The following STXBP4 variants were observed in gnomAD, a reference collection of about 807,000 sequenced individuals.
The protein encoded by STXBP4 is syntaxin binding protein 4, also known as syntaxin-binding protein 4.
STXBP4 carries 55 observed loss-of-function variants against 76.1 expected under a neutral mutation model. The observed-to-expected ratio is 0.72, with a 90% CI of 0.58 to 0.91. STXBP4 has a LOEUF of 0.91. Among genes scored for constraint, STXBP4 ranks in the 40% least tolerant of loss-of-function variants. The pLI is 0.00. For missense variants in STXBP4, 618 were observed against 636.9 expected, an observed-to-expected ratio of 0.97 and a Z score of 0.32; for synonymous variants, 201 against 220.2, an observed-to-expected ratio of 0.91 and a Z score of 0.77.
intron 16 of STXBP4, among the ~76,000 whole-genome samples, chr17:55,109,999 A>C (rs1203082712): frequency 6.6e-6 from 1 of 152,184 alleles, no homozygotes; most frequent in Non-Finnish European, 1.5e-5. Flanking sequence ...AGAAGTTCAA[A>C]ATATGTTTCA....
chr17:54,999,761 T>C lies in STXBP4; in HGVS notation c.417T>C (p.Leu139=). The change falls in exon 6 of 18, where the codon CTT becomes CTC. Residue 139 remains leucine, a synonymous_variant. Transcript: ENST00000376352. ...EYGPQASTLS[L]FSSPPEILIP... is the part of the protein sequence containing the mutation. ...GACCTCAAGCCTCAACATTAAGTCT[T>C]TTTTCTTCTCCTCCTGAAATACTAA... The C allele has an allele frequency of 1.2e-6, 2 of 1,613,644 alleles. No homozygotes were observed. Among genetic ancestry groups the C allele is most frequent in the South Asian group, 2.2e-5 (2 of 91,066 alleles).
chr17:55,062,466 G>T (rs747119588), intron 12 of STXBP4, among the ~76,000 whole-genome samples: 1 of 151,984 alleles, frequency 6.6e-6, no homozygotes, highest in African/African-American at 2.4e-5. Context: ...TATATTTGCC[G>T]CATTTTCTTT....
intron 16 of STXBP4, among the ~76,000 whole-genome samples, chr17:55,117,800 A>G (rs1404950084): frequency 1.3e-5 from 2 of 151,940 alleles, no homozygotes; most frequent in Non-Finnish European, 2.9e-5. Flanking sequence ...AGTCTCCTTT[A>G]GGTTCTGTTC....
At chr17:55,047,021 G>A in intron 11 of STXBP4, 68 bp from the exon 12 acceptor site, 1 of 869,658 alleles carries the variant, frequency 1.1e-6, no homozygotes, top group South Asian at 1.6e-5. Context: ...CTTGAAACAA[G>A]GGACTAAGAA....
At chr17:55,188,009 C>G in the STXBP4 span, among the ~76,000 whole-genome samples, 1 of 152,114 alleles carries the variant, frequency 6.6e-6, no homozygotes, top group African/African-American at 2.4e-5. Flanking sequence ...GCACTGTTAT[C>G]ATATCCATTT....
At chr17:54,972,681 G>A (rs1261934932) in intron 1 of STXBP4, among the ~76,000 whole-genome samples, 2 of 152,032 alleles carry the variant, frequency 1.3e-5, no homozygotes, top group African/African-American at 4.8e-5. Context: ...ACGAATTTTG[G>A]TTTCTTTAGT....
chr17:55,121,224 T>C (rs1291517249), intron 16 of STXBP4, among the ~76,000 whole-genome samples: 1 of 152,168 alleles, frequency 6.6e-6, no homozygotes, highest in Non-Finnish European at 1.5e-5. Context: ...TTATGAATGG[T>C]ACAAAGAGCT....
intron 17 of STXBP4, among the ~76,000 whole-genome samples, chr17:55,149,008 G>C (rs1348619025): frequency 1.3e-5 from 2 of 152,204 alleles, no homozygotes; most frequent in East Asian, 1.9e-4. Context: ...TAGATAAGGA[G>C]AATATGTGTA....
chr17:55,043,185 CATAATT>C, intron 10 of STXBP4, 45 bp from the exon 11 acceptor site: 1 of 908,720 alleles, frequency 1.1e-6, no homozygotes, highest in Non-Finnish European at 1.6e-6. Context: ...TGTTACCTCT[CATAATT>C]AGCATCTAAT....
chr17:55,066,053 A>G (rs1462874111), intron 12 of STXBP4, among the ~76,000 whole-genome samples: 1 of 152,242 alleles, frequency 6.6e-6, no homozygotes, highest in African/African-American at 2.4e-5. Flanking sequence ...CTAGATATCC[A>G]TCATTATTAC....
chr17:55,082,612 CT>C lies in STXBP4; in HGVS notation c.1489+1432del, dbSNP rs371749188. 9.9e-5 allele frequency among the ~76,000 whole-genome samples: 15 copies of C among 152,138 alleles called. No individual in the cohort carries two copies. In the East Asian group the frequency reaches 2.5e-3, roughly 25 times the overall value. ...TAGGATGTTTAGCATTCCTAGTACC[CT>C]TTCACTAAATGCCAAAAATATCCCC... On this transcript the variant is annotated intron_variant, in intron 16 of 17. Coordinates refer to ENST00000376352, the MANE Select transcript of STXBP4 (RefSeq NM_178509.6).
chr17:55,146,247 T>C (rs910824789), intron 17 of STXBP4, among the ~76,000 whole-genome samples: 1 of 152,246 alleles, frequency 6.6e-6, no homozygotes, highest in African/African-American at 2.4e-5. Flanking sequence ...TAACTCTATA[T>C]CTGCATAATA....
At chr17:55,036,384 A>G (rs2078602754) in intron 10 of STXBP4, among the ~76,000 whole-genome samples, 1 of 143,422 alleles carries the variant, frequency 7.0e-6, no homozygotes, top group African/African-American at 2.5e-5. Flanking sequence ...TTAATTAATT[A>G]TATTTTAATA....
the STXBP4 span, among the ~76,000 whole-genome samples, chr17:55,208,759 A>G: frequency 6.6e-6 from 1 of 152,170 alleles, no homozygotes; most frequent in Non-Finnish European, 1.5e-5. Flanking sequence ...GAGATGGTAT[A>G]TTTGTGTAAA....
Position 55,078,753 on chromosome 17 carries a change from C to T in STXBP4, c.1355+18C>T. 1.4e-6 allele frequency: 2 copies of T among 1,381,220 alleles called. No individual in the cohort carries two copies. Among genetic ancestry groups the T allele is most frequent in the Non-Finnish European group, 2.1e-6 (2 of 971,540 alleles). 85.6% of individuals were successfully genotyped at this position (1,381,220 alleles called of 1,614,324 possible). On this transcript the variant is annotated intron_variant, in intron 15 of 17. Coordinates refer to ENST00000376352, the MANE Select transcript of STXBP4 (RefSeq NM_178509.6). ...AATTTAAGGTAAGAAAATTTAAGTG[C>T]TTTTTGCAGAATATGGGTAGTGATT...
intron 12 of STXBP4, among the ~76,000 whole-genome samples, chr17:55,060,581 G>A (rs1053662425): frequency 6.6e-6 from 1 of 151,992 alleles, no homozygotes; most frequent in African/African-American, 2.4e-5. Context: ...ATTTTTCACT[G>A]GAAGGATCAC....
At chr17:55,043,741 C>A in intron 11 of STXBP4, 1 of 1,156,468 alleles carries the variant, frequency 8.6e-7, no homozygotes, top group South Asian at 1.6e-5. Flanking sequence ...GTTTTGCTAA[C>A]GTAATTTGGA....
chr17:55,183,318 GC>G, the STXBP4 span, among the ~76,000 whole-genome samples: 1 of 152,168 alleles, frequency 6.6e-6, no homozygotes, highest in Non-Finnish European at 1.5e-5. Flanking sequence ...AGGCACAGTG[GC>G]TCATGCCTGT....
intron 8 of STXBP4, among the ~76,000 whole-genome samples, chr17:55,014,506 A>G (rs2078170483): frequency 6.6e-6 from 1 of 152,134 alleles, no homozygotes. Context: ...ACAGATCTGG[A>G]GGACAGTTGT....
Sources: allele counts gnomAD v4.1 joint callset (sites outside exome capture counted in the v4.1 genomes callset), GRCh38; gene constraint gnomAD v4.1.1; transcripts MANE v1.5; gene names NCBI Gene and HGNC (gene_info 2026-07-23, HGNC 2026-07-21).